The following CACNA2D2 variants were observed in gnomAD, a reference collection of about 807,000 sequenced individuals.
The protein encoded by CACNA2D2 is voltage-dependent calcium channel subunit alpha-2/delta-2.
CACNA2D2 carries 48 observed loss-of-function variants against 166.4 expected under a neutral mutation model. That is an observed-to-expected ratio of 0.29 (90% CI 0.23 to 0.37). CACNA2D2 has a LOEUF of 0.37. CACNA2D2 is among the 10% of genes least tolerant of loss of function. The pLI is 1.00. For synonymous variants in CACNA2D2, 561 were observed against 573.7 expected, an observed-to-expected ratio of 0.98 and a Z score of 0.32; for missense variants, 1,122 against 1,433.0, an observed-to-expected ratio of 0.78 and a Z score of 3.50.
intron 5 of CACNA2D2, among the ~76,000 whole-genome samples, chr3:50,385,352 C>A (rs1184631092): frequency 6.6e-6 from 1 of 152,156 alleles, no homozygotes; most frequent in Non-Finnish European, 1.5e-5. Flanking sequence ...TCCCTCACTG[C>A]CCCTCAAAGC....
In CACNA2D2 at chr3:50,364,121, G is replaced by C. The variant is rs1202691978; in HGVS notation, c.*545C>G. ...ATCACTGTGACTATCCTGACACCTG[G>C]TGGGCTTGGGGATGTGGCTGTAGGC... On this transcript the variant is annotated 3_prime_UTR_variant, in exon 38 of 38. Transcript: ENST00000424201. The C allele has an allele frequency of 6.4e-6, 1 of 157,202 alleles. No homozygotes were observed. The highest frequency in any genetic ancestry group is 1.9e-4 in the East Asian group (1 of 5,246). 9.7% of individuals were successfully genotyped at this position (157,202 alleles called of 1,614,324 possible).
At chr3:50,494,719 G>A (rs1427505165) in intron 1 of CACNA2D2, among the ~76,000 whole-genome samples, 1 of 152,042 alleles carries the variant, frequency 6.6e-6, no homozygotes, top group Non-Finnish European at 1.5e-5. Flanking sequence ...TCTGTGTCCA[G>A]GCTGGAGTCC....
rs561093351 is a variant in CACNA2D2, at chr3:50,394,062, A to G, written c.465+47T>C. On this transcript the variant is annotated intron_variant, in intron 4 of 37. Transcript: ENST00000424201. ...CACCCCCCAGCATTCAAATCCACGC[A>G]TGGATGGGCATGCCCTAAGTGCTGG... 7 of 1,566,462 alleles carry G rather than the reference A, an allele frequency of 4.5e-6. No homozygotes were observed. In the South Asian group the frequency reaches 7.8e-5, roughly 17 times the overall value.
upstream of CACNA2D2, among the ~76,000 whole-genome samples, chr3:50,503,843 C>G (rs1433773175): frequency 6.6e-6 from 1 of 151,894 alleles, no homozygotes; most frequent in African/African-American, 2.4e-5. Context: ...TGCGCCCCAG[C>G]TGCTACCCGA....
intron 2 of CACNA2D2, among the ~76,000 whole-genome samples, chr3:50,453,620 C>A (rs1322516755): frequency 3.3e-5 from 5 of 152,206 alleles, no homozygotes; most frequent in Non-Finnish European, 5.9e-5. Context: ...CGTCCAGCGT[C>A]CTAGAATTGG....
intron 24 of CACNA2D2, 84 bp downstream of exon 24, chr3:50,368,054 A>G (rs1247346484): frequency 8.1e-6 from 10 of 1,228,888 alleles, no homozygotes; most frequent in Non-Finnish European, 1.1e-5. Context: ...TTATTTCCAC[A>G]CCTGCCCGGC....
intron 1 of CACNA2D2, among the ~76,000 whole-genome samples, chr3:50,482,549 T>C (rs1184450865): frequency 1.3e-5 from 2 of 152,216 alleles, no homozygotes; most frequent in Non-Finnish European, 2.9e-5. Context: ...CAGCCCCACA[T>C]GTGGGATGCT....
intron 4 of CACNA2D2, 105 bp downstream of exon 4, chr3:50,394,004 C>A: frequency 1.0e-6 from 1 of 959,420 alleles, no homozygotes; most frequent in Non-Finnish European, 1.7e-6. Flanking sequence ...CTCCACAGAC[C>A]CCTCTGTGTC....
rs587623899 is a variant in CACNA2D2, at chr3:50,367,594, A to G, written c.2297+48T>C. ...GGAGGCCTCTGGGCAGAACAGATGC[A>G]GGTTCCCTGGCAGGGGCAGGGTTTG... On this transcript the variant is annotated intron_variant, in intron 26 of 37. Transcript: ENST00000424201. The surrounding 1 kb of genome is among the most constrained non-coding windows in gnomAD (Gnocchi z 6.5). The G allele has an allele frequency of 3.6e-4, 571 of 1,605,410 alleles. 4 individuals are homozygous for G. In the South Asian group the frequency reaches 5.9e-3, roughly 17 times the overall value.
chr3:50,414,690 G>A (rs1371282766), intron 3 of CACNA2D2, among the ~76,000 whole-genome samples: 2 of 152,230 alleles, frequency 1.3e-5, no homozygotes, highest in Admixed American at 6.5e-5. Flanking sequence ...TAGCAATTCT[G>A]CTCTACAAAA....
intron 2 of CACNA2D2, among the ~76,000 whole-genome samples, chr3:50,453,172 T>C (rs1013391187): frequency 1.3e-5 from 2 of 151,760 alleles, no homozygotes; most frequent in Non-Finnish European, 2.9e-5. Context: ...TCGTTCCCAC[T>C]ACTTGGCCTT....
intron 1 of CACNA2D2, among the ~76,000 whole-genome samples, chr3:50,488,820 C>T (rs984770068): frequency 3.9e-5 from 6 of 152,046 alleles, no homozygotes; most frequent in Admixed American, 3.9e-4. Flanking sequence ...CTTCCTCAGC[C>T]TCCCGAGTAC....
At chr3:50,449,883 C>T (rs1035905866) in intron 2 of CACNA2D2, among the ~76,000 whole-genome samples, 10 of 152,184 alleles carry the variant, frequency 6.6e-5, no homozygotes, top group African/African-American at 1.4e-4. Context: ...TCTGGGGCTT[C>T]ACCCATGAAG....
At chr3:50,468,380 A>AGTGTGTGTGT (rs3220659) in intron 2 of CACNA2D2, among the ~76,000 whole-genome samples, 2,639 of 83,094 alleles carry the variant, frequency 0.032, 199 homozygotes, top group East Asian at 0.051. Context: ...TCATCAGAAT[A>AGTGTGTGTGT]GTGTGTGTGT....
intron 3 of CACNA2D2, 146 bp downstream of exon 3, chr3:50,434,167 A>C (rs1708200938): frequency 1.5e-6 from 1 of 668,378 alleles, no homozygotes; most frequent in Admixed American, 2.3e-5. Flanking sequence ...CCCACATTCC[A>C]CGTGGGCACA....
chr3:50,388,471 C>A (rs367867675), intron 4 of CACNA2D2, among the ~76,000 whole-genome samples: 1 of 152,226 alleles, frequency 6.6e-6, no homozygotes, highest in Admixed American at 6.5e-5. Flanking sequence ...CTGTTCTGTA[C>A]GGCAAAAACC....
At chr3:50,451,336 G>A (rs573501423) in intron 2 of CACNA2D2, among the ~76,000 whole-genome samples, 1 of 152,176 alleles carries the variant, frequency 6.6e-6, no homozygotes, top group South Asian at 2.1e-4. Context: ...ATATTGGCCA[G>A]GCTGGTCTTG....
rs144645205 is a variant in CACNA2D2, at chr3:50,380,436, G to A, written c.842+312C>T. ...GGGGAGGGATATCTGGGGCTCAGACGGGTGGGGCAGGGACTGGCCAACCCT... is the reference window on the plus strand; with the variant it reads ...GGGGAGGGATATCTGGGGCTCAGACAGGTGGGGCAGGGACTGGCCAACCCT... On this transcript the variant is annotated intron_variant, in intron 8 of 37. Coordinates refer to ENST00000424201, the MANE Select transcript of CACNA2D2 (RefSeq NM_006030.4). This position sits in a 1 kb window ranked among gnomAD's most constrained non-coding sequence, Gnocchi z 4.9. Among the ~76,000 whole-genome samples, 403 of 152,302 alleles carry A rather than the reference G, an allele frequency of 2.6e-3. 1 individual carries two copies. Among genetic ancestry groups the A allele is most frequent in the Non-Finnish European group, 4.5e-3 (309 of 68,024 alleles).
chr3:50,415,417 C>T (rs915738816), intron 3 of CACNA2D2, among the ~76,000 whole-genome samples: 1 of 152,220 alleles, frequency 6.6e-6, no homozygotes, highest in African/African-American at 2.4e-5. Flanking sequence ...GCTGCAGATT[C>T]ACCATCTGTG....
Sources: allele counts gnomAD v4.1 joint callset (sites outside exome capture counted in the v4.1 genomes callset), GRCh38; gene constraint gnomAD v4.1.1; non-coding constraint Gnocchi (gnomAD v3.1); transcripts MANE v1.5; gene names NCBI Gene and HGNC (gene_info 2026-07-23, HGNC 2026-07-21).